The following MAPRE3 variants were observed in gnomAD, a reference collection of about 807,000 sequenced individuals.
The protein encoded by MAPRE3 is microtubule-associated protein RP/EB family member 3.
MAPRE3 carries 2 observed loss-of-function variants against 30.5 expected under a neutral mutation model. The ratio of observed to expected loss-of-function variants is 0.07; its 90% CI spans 0.03 to 0.21. MAPRE3 has a LOEUF of 0.21. Ranked by LOEUF, MAPRE3 falls within the 10% of genes least tolerant of loss-of-function variation. MAPRE3 has a pLI of 1.00. For synonymous variants in MAPRE3, 110 were observed against 127.7 expected (o/e 0.86, Z 0.93); for missense variants, 204 against 351.8 (o/e 0.58, Z 3.36).
chr2:27,016,155 G>A (rs527935327), intron 1 of MAPRE3, among the ~76,000 whole-genome samples: 20 of 152,264 alleles, frequency 1.3e-4, no homozygotes, highest in Non-Finnish European at 2.4e-4. Flanking sequence ...ATGGGGATCC[G>A]CCTGGATGAT....
chr2:26,992,676 C>T lies in MAPRE3; in HGVS notation c.-8+21874C>T, dbSNP rs1666371526. ...TAAAAATGACAAATGTAAGATACTG[C>T]CTCATCCCTGCCCTTGAATTCATGT... On this transcript the variant is annotated intron_variant, in intron 1 of 6. Transcript: ENST00000233121. Among the ~76,000 whole-genome samples the T allele has an allele frequency of 1.3e-5, 2 of 152,120 alleles. 1 individual carries two copies. Among genetic ancestry groups the T allele is most frequent in the South Asian group, 4.2e-4 (2 of 4,818 alleles).
At chr2:27,025,404 G>C in intron 4 of MAPRE3, among the ~76,000 whole-genome samples, 179 bp from the exon 5 acceptor site, 1 of 152,220 alleles carries the variant, frequency 6.6e-6, no homozygotes, top group Non-Finnish European at 1.5e-5. Flanking sequence ...AGCTGCTGGA[G>C]TGTCCATGTG....
chr2:26,977,108 G>GA (rs1172859373), intron 1 of MAPRE3, among the ~76,000 whole-genome samples: 1 of 152,024 alleles, frequency 6.6e-6, no homozygotes, highest in Admixed American at 6.5e-5. Flanking sequence ...GTATGCCAAG[G>GA]AAAAAACCAT....
At chr2:27,022,553 C>T in intron 2 of MAPRE3, 2 of 581,550 alleles carry the variant, frequency 3.4e-6, no homozygotes. Context: ...CACACCTCGG[C>T]TATATGGTAT....
intron 1 of MAPRE3, chr2:27,013,682 T>C (rs1390392539): frequency 6.6e-6 from 1 of 152,272 alleles, no homozygotes; most frequent in Non-Finnish European, 1.5e-5. Context: ...CACAGCTCTG[T>C]CTTTCTGCCT....
At position 26,996,115 on chromosome 2, in the gene MAPRE3, A is replaced by AATTTTATTTTATTTT. The variant is rs60224906; in HGVS notation, c.-8+25348_-8+25362dup. Among the ~76,000 whole-genome samples the AATTTTATTTTATTTT allele has an allele frequency of 8.0e-3, 1,045 of 130,698 alleles. 10 individuals carry two copies. Among genetic ancestry groups the AATTTTATTTTATTTT allele is most frequent in the African/African-American group, 0.022 (781 of 34,878 alleles). 85.7% of individuals were successfully genotyped at this position (130,698 alleles called of 152,430 possible). On this transcript the variant is annotated intron_variant, in intron 1 of 6. Coordinates refer to ENST00000233121, the MANE Select transcript of MAPRE3 (RefSeq NM_012326.4). ...AACAGATGAGACATTAGAAGATAGG[A>AATTTTATTTTATTTT]ATTTTATTTTATTTTATTTTATTTT...
At chr2:26,976,214 T>C (rs1409667714) in intron 1 of MAPRE3, among the ~76,000 whole-genome samples, 1 of 152,224 alleles carries the variant, frequency 6.6e-6, no homozygotes, top group Non-Finnish European at 1.5e-5. Flanking sequence ...GATTAACTGC[T>C]TCTGGTAGGA....
chr2:26,981,882 C>A (rs932330511), intron 1 of MAPRE3, among the ~76,000 whole-genome samples: 2 of 152,174 alleles, frequency 1.3e-5, no homozygotes, highest in Non-Finnish European at 1.5e-5. Flanking sequence ...TGTGCTGTTG[C>A]GTGAGTCTGG....
chr2:27,011,271 C>T (rs1666849179), intron 1 of MAPRE3, among the ~76,000 whole-genome samples: 1 of 152,196 alleles, frequency 6.6e-6, no homozygotes, highest in Non-Finnish European at 1.5e-5. Flanking sequence ...CAATTAGGTG[C>T]CACCTTCCTC....
rs1667150349 is a variant in MAPRE3 at position 27,023,277 on chromosome 2, G to A, written c.122-55G>A. 4 of 1,550,238 alleles carry A rather than the reference G, an allele frequency of 2.6e-6. No individual in the cohort carries two copies. In the South Asian group the frequency reaches 3.6e-5, roughly 14 times the overall value. On this transcript the variant is annotated intron_variant, in intron 2 of 6. Coordinates refer to ENST00000233121, the MANE Select transcript of MAPRE3 (RefSeq NM_012326.4). ...ACGGGGTTTGGGGAAGTGAGAGAGAGCAGCTCACAGAAGGAGAGCAGCAAG... is the reference window on the plus strand; with the variant it reads ...ACGGGGTTTGGGGAAGTGAGAGAGAACAGCTCACAGAAGGAGAGCAGCAAG...
intron 1 of MAPRE3, among the ~76,000 whole-genome samples, chr2:26,994,360 G>T (rs12616092): frequency 6.6e-6 from 1 of 151,908 alleles, no homozygotes; most frequent in Non-Finnish European, 1.5e-5. Context: ...AGCAAATACA[G>T]TTGGAAGTTA....
rs1002218008 is a variant in MAPRE3 at position 26,985,509 on chromosome 2, T to C, written c.-8+14707T>C. On this transcript the variant is annotated intron_variant, in intron 1 of 6. Coordinates refer to ENST00000233121, the MANE Select transcript of MAPRE3 (RefSeq NM_012326.4). The surrounding 1 kb of genome is among the most constrained non-coding windows in gnomAD (Gnocchi z 4.2). ...AGACCAGTGCTGTACCATACTGCCATGGCCACAGGGCAACCACCATAACTC... is the reference window on the plus strand; with the variant it reads ...AGACCAGTGCTGTACCATACTGCCACGGCCACAGGGCAACCACCATAACTC... 1.1e-4 allele frequency among the ~76,000 whole-genome samples: 17 copies of C among 152,282 alleles called. No homozygotes were observed. The highest frequency in any genetic ancestry group is 9.2e-4 in the Admixed American group (14 of 15,294).
chr2:27,005,196 TTGAA>T (rs1473625767), intron 1 of MAPRE3, among the ~76,000 whole-genome samples: 2 of 152,088 alleles, frequency 1.3e-5, no homozygotes, highest in African/African-American at 4.8e-5. Context: ...TAGACAAAAA[TTGAA>T]TGTTCAAATA....
chr2:27,012,974 A>G (rs1474804939), intron 1 of MAPRE3: 3 of 152,732 alleles, frequency 2.0e-5, no homozygotes, highest in Admixed American at 2.0e-4. Context: ...AGGGTGACAC[A>G]TCACTTGGCC....
chr2:26,990,750 A>G (rs1034424366), intron 1 of MAPRE3, among the ~76,000 whole-genome samples: 1 of 152,262 alleles, frequency 6.6e-6, no homozygotes, highest in Admixed American at 6.5e-5. Context: ...AATAACAATT[A>G]GAGTAATTAC....
rs753961112 is a variant in MAPRE3 at position 27,022,390 on chromosome 2, A to C, written c.121+51A>C. Reference sequence around the variant, plus strand: ...GGCCCTGCTGGAAGGAAAGGAAAGAAAGGTCGGAAGGCAGAGCAGCCACAA... The same window carrying C: ...GGCCCTGCTGGAAGGAAAGGAAAGACAGGTCGGAAGGCAGAGCAGCCACAA... On this transcript the variant is annotated intron_variant, in intron 2 of 6. Transcript: ENST00000233121. 8 of 1,603,754 alleles carry C rather than the reference A, an allele frequency of 5.0e-6. No homozygotes were observed. In the Admixed American group the frequency reaches 1.0e-4, roughly 20 times the overall value.
At chr2:27,002,979 G>A (rs1203584696) in intron 1 of MAPRE3, 1 of 152,208 alleles carries the variant, frequency 6.6e-6, no homozygotes, top group African/African-American at 2.4e-5. Flanking sequence ...ATCTGTAACA[G>A]AGAAGGCTGA....
intron 1 of MAPRE3, among the ~76,000 whole-genome samples, chr2:26,995,833 G>GTGTGTGTA: frequency 6.7e-6 from 1 of 149,632 alleles, no homozygotes; most frequent in Non-Finnish European, 1.5e-5. Context: ...GTGTGTGTAT[G>GTGTGTGTA]TGTGTGTGTT....
At chr2:26,978,133 G>T (rs1055741762) in intron 1 of MAPRE3, among the ~76,000 whole-genome samples, 1 of 152,200 alleles carries the variant, frequency 6.6e-6, no homozygotes, top group Non-Finnish European at 1.5e-5. Flanking sequence ...CTCGGAGAGA[G>T]TGATTGTGGG....
Sources: allele counts gnomAD v4.1 joint callset (sites outside exome capture counted in the v4.1 genomes callset), GRCh38; gene constraint gnomAD v4.1.1; non-coding constraint Gnocchi (gnomAD v3.1); transcripts MANE v1.5; gene names NCBI Gene and HGNC (gene_info 2026-07-23, HGNC 2026-07-21).